The following COL12A1 variants were observed in gnomAD, a reference collection of about 807,000 sequenced individuals.
COL12A1 encodes the protein collagen type XII alpha 1 chain.
A neutral mutation model predicts 349.7 loss-of-function variants in COL12A1; 114 were observed. The ratio of observed to expected loss-of-function variants is 0.33; its 90% CI spans 0.28 to 0.38. COL12A1 has a LOEUF of 0.38. Among genes scored for constraint, COL12A1 ranks in the 10% least tolerant of loss-of-function variants. The pLI is 1.00. For missense variants in COL12A1, 3,284 were observed against 3,756.9 expected, an observed-to-expected ratio of 0.87 and a Z score of 3.29; for synonymous variants, 1,369 against 1,329.0, an observed-to-expected ratio of 1.03 and a Z score of -0.66.
At chr6:75,169,896 G>A (rs150647401) in intron 13 of COL12A1, among the ~76,000 whole-genome samples, 2 of 152,260 alleles carry the variant, frequency 1.3e-5, no homozygotes, top group East Asian at 3.9e-4. Context: ...CAGCATTTCT[G>A]TCCTTATTAT....
chr6:75,195,859 T>A (rs1770201720), intron 2 of COL12A1, among the ~76,000 whole-genome samples: 1 of 152,150 alleles, frequency 6.6e-6, no homozygotes, highest in Non-Finnish European at 1.5e-5. Flanking sequence ...GGACATTTAT[T>A]TACAGAACTT....
chr6:75,158,103 C>T (rs1562245973), intron 14 of COL12A1, among the ~76,000 whole-genome samples: 1 of 152,050 alleles, frequency 6.6e-6, no homozygotes, highest in Non-Finnish European at 1.5e-5. Flanking sequence ...AGTTACAAGA[C>T]ATGCCAAAAA....
At chr6:75,101,085 A>G (rs1248954763) in intron 58 of COL12A1, among the ~76,000 whole-genome samples, 3 of 152,136 alleles carry the variant, frequency 2.0e-5, no homozygotes, top group Non-Finnish European at 4.4e-5. Flanking sequence ...ACCAAACCTG[A>G]AAGCTGCTAC....
chr6:75,128,721 C>A (rs1419858582), intron 37 of COL12A1, among the ~76,000 whole-genome samples: 1 of 152,170 alleles, frequency 6.6e-6, no homozygotes, highest in Non-Finnish European at 1.5e-5. Flanking sequence ...TGCTTCAGAA[C>A]ACCTTACTGA....
intron 16 of COL12A1, among the ~76,000 whole-genome samples, chr6:75,154,851 G>A (rs1456170898): frequency 1.3e-5 from 2 of 152,224 alleles, no homozygotes; most frequent in South Asian, 2.1e-4. Flanking sequence ...GGAAGGGTCA[G>A]ACTCTTTAAT....
Position 75,090,124 on chromosome 6 carries a change from G to A in COL12A1, c.8927C>T (p.Pro2976Leu). 1.2e-6 allele frequency: 2 copies of A among 1,613,312 alleles called. No individual in the cohort carries two copies. The highest frequency in any genetic ancestry group is 1.7e-6 in the Non-Finnish European group (2 of 1,179,898). Residue 2976 changes from proline to leucine, a missense_variant, in exon 63 of 66, where the codon CCC (proline) becomes CTC (leucine). This residue lies in a region of COL12A1 where 683 missense variants were observed against 932.1 expected (regional missense o/e 0.73). Transcript: ENST00000322507. This position sits in a 1 kb window ranked among gnomAD's most constrained non-coding sequence, Gnocchi z 4.1. ...GFPGTPGMQGPPGERGLPGEK... is the reference protein window; with the variant it reads ...GFPGTPGMQGLPGERGLPGEK... ...GAAATGCCTACCTCGTTCCCCAGGG[G>A]GTCCCTGCATCCCTGGTGTGCCCGG...
chr6:75,116,098 G>A (rs764722031), intron 47 of COL12A1, 41 bp from the exon 48 acceptor site: 31 of 1,590,368 alleles, frequency 1.9e-5, no homozygotes, highest in Non-Finnish European at 2.3e-5. Context: ...TCACCAACAC[G>A]ATGTACAAAT....
At chr6:75,097,480 A>G (rs1768105753) in intron 58 of COL12A1, among the ~76,000 whole-genome samples, 174 bp from the exon 59 acceptor site, 1 of 152,240 alleles carries the variant, frequency 6.6e-6, no homozygotes, top group Admixed American at 6.5e-5. Flanking sequence ...AAATTAAAAA[A>G]TTAAAAAATC....
At chr6:75,104,752 A>T (rs532730832) in intron 54 of COL12A1, among the ~76,000 whole-genome samples, 6 of 152,280 alleles carry the variant, frequency 3.9e-5, no homozygotes, top group African/African-American at 1.4e-4. Context: ...CACATGTGTA[A>T]ATTACCCTCT....
At chr6:75,183,758 C>A in intron 9 of COL12A1, 96 bp downstream of exon 9, 1 of 1,541,618 alleles carries the variant, frequency 6.5e-7, no homozygotes, top group Non-Finnish European at 8.7e-7. Context: ...AAAACTATTG[C>A]AAATATTTCA....
intron 16 of COL12A1, among the ~76,000 whole-genome samples, chr6:75,155,117 T>C (rs1371257676): frequency 6.6e-6 from 1 of 152,160 alleles, no homozygotes. Flanking sequence ...TAGGGTGCTG[T>C]TCAAACTGAA....
At chr6:75,154,905 G>C (rs1187156502) in intron 16 of COL12A1, among the ~76,000 whole-genome samples, 2 of 152,126 alleles carry the variant, frequency 1.3e-5, no homozygotes, top group Non-Finnish European at 2.9e-5. Flanking sequence ...TAATTGAAGT[G>C]CTGTACCTTG....
chr6:75,163,451 G>A (rs371632416), intron 14 of COL12A1, among the ~76,000 whole-genome samples: 9 of 152,264 alleles, frequency 5.9e-5, no homozygotes, highest in African/African-American at 1.7e-4. Context: ...TCATAAGTGG[G>A]AGTTGAACAA....
Position 75,095,195 on chromosome 6 carries a change from AGGGAAG to A in COL12A1, c.8578-22_8578-17del. ...CTGGGCTTCCCTACAACACATGGAA[AGGGAAG>A]GGGACTGTTATGACAAAGGGAAAAT... On this transcript the variant is annotated splice_polypyrimidine_tract_variant and intron_variant, in intron 59 of 65. Transcript: ENST00000322507. The A allele has an allele frequency of 6.2e-7, 1 of 1,604,108 alleles. No individual in the cohort carries two copies. The highest frequency in any genetic ancestry group is 1.1e-5 in the South Asian group (1 of 90,624).
chr6:75,117,514 C>T lies in COL12A1; in HGVS notation c.7387G>A (p.Val2463Ile). 6.2e-7 allele frequency: 1 copy of T among 1,613,606 alleles called. No individual in the cohort carries two copies. The highest frequency in any genetic ancestry group is 8.5e-7 in the Non-Finnish European group (1 of 1,179,618). ...FSVFVVGVAD[V>I]DYNELANIAS... Reference sequence around the variant, plus strand: ...ATGTTGGCAAGCTCATTGTAGTCGACATCAGCCACACCAACTACAAAGACA... The same window carrying T: ...ATGTTGGCAAGCTCATTGTAGTCGATATCAGCCACACCAACTACAAAGACA... The change falls in exon 47 of 66, where the codon GTC becomes ATC. Residue 2463 changes from valine to isoleucine, a missense_variant. Transcript: ENST00000322507.
At chr6:75,148,867 T>C (rs746463158) in intron 21 of COL12A1, among the ~76,000 whole-genome samples, 7 of 152,144 alleles carry the variant, frequency 4.6e-5, no homozygotes, top group Non-Finnish European at 8.8e-5. Context: ...AAGTCCCAAG[T>C]GTTGTGGGAG....
chr6:75,175,822 C>T (rs1027070268), intron 12 of COL12A1, among the ~76,000 whole-genome samples: 4 of 152,128 alleles, frequency 2.6e-5, no homozygotes, highest in Non-Finnish European at 5.9e-5. Context: ...AGAGAAAAAA[C>T]AGCTAAGTGA....
At chr6:75,144,962 A>T (rs781353034) in intron 25 of COL12A1, among the ~76,000 whole-genome samples, 5 of 152,186 alleles carry the variant, frequency 3.3e-5, no homozygotes, top group Non-Finnish European at 7.3e-5. Context: ...TCCCATTCTC[A>T]TCAATGCTAT....
At chr6:75,148,303 A>G in intron 22 of COL12A1, 55 bp downstream of exon 22, 1 of 1,559,032 alleles carries the variant, frequency 6.4e-7, no homozygotes. Context: ...AGTCCTAATG[A>G]GGAGGACCCA....
Sources: allele counts gnomAD v4.1 joint callset (sites outside exome capture counted in the v4.1 genomes callset), GRCh38; gene constraint gnomAD v4.1.1; regional missense constraint gnomAD v4.1.1; non-coding constraint Gnocchi (gnomAD v3.1); transcripts MANE v1.5; gene names NCBI Gene and HGNC (gene_info 2026-07-23, HGNC 2026-07-21).